Variants in VTI1A observed in about 807,000 individuals in gnomAD.
VTI1A encodes the protein vesicle transport through interaction with t-SNAREs 1A.
Under a neutral mutation model 34.9 loss-of-function variants are expected in VTI1A, and 22 were observed. The ratio of observed to expected loss-of-function variants is 0.63; its 90% CI spans 0.45 to 0.90. The LOEUF (loss-of-function observed/expected upper bound fraction) is 0.90. Ranked by LOEUF, VTI1A falls within the 40% of genes least tolerant of loss-of-function variation. The pLI, the probability that VTI1A is intolerant of heterozygous loss-of-function variation, is 0.00. For synonymous variants in VTI1A, 87 were observed against 97.3 expected (o/e 0.89, Z 0.62); for missense variants, 268 against 275.6 (o/e 0.97, Z 0.20).
At chr10:112,502,106 C>T (rs966634706) in intron 3 of VTI1A, among the ~76,000 whole-genome samples, 1 of 149,876 alleles carries the variant, frequency 6.7e-6, no homozygotes, top group African/African-American at 2.5e-5. Context: ...CGGCTCACTG[C>T]AGCCTCGACC....
chr10:112,703,514 C>T (rs1849083632), intron 7 of VTI1A, among the ~76,000 whole-genome samples: 1 of 151,764 alleles, frequency 6.6e-6, no homozygotes, highest in South Asian at 2.1e-4. Flanking sequence ...TGCGGTGAGC[C>T]GAGATCATGC....
chr10:112,634,219 G>A (rs1327330795), intron 5 of VTI1A: 1 of 154,530 alleles, frequency 6.5e-6, no homozygotes, highest in African/African-American at 2.4e-5. Context: ...GACCACTTCG[G>A]TTCAAGGCTA....
At chr10:112,702,746 T>C (rs1188363340) in intron 7 of VTI1A, among the ~76,000 whole-genome samples, 1 of 152,180 alleles carries the variant, frequency 6.6e-6, no homozygotes, top group African/African-American at 2.4e-5. Flanking sequence ...CCACCACACC[T>C]GGCTAATTTT....
intron 3 of VTI1A, among the ~76,000 whole-genome samples, chr10:112,472,329 C>A (rs1433735555): frequency 6.6e-6 from 1 of 152,168 alleles, no homozygotes; most frequent in Non-Finnish European, 1.5e-5. Flanking sequence ...AATGGCACTT[C>A]TATTGACAGT....
chr10:112,744,838 C>A (rs7090171), intron 7 of VTI1A, among the ~76,000 whole-genome samples: 22,899 of 152,114 alleles, frequency 0.15, 3,767 homozygotes, highest in African/African-American at 0.4. Context: ...GCAGATCCAG[C>A]ACGTTCAGCA....
chr10:112,826,587 G>C, the VTI1A span: 49 of 152,338 alleles, frequency 3.2e-4, no homozygotes, highest in African/African-American at 1.2e-3. Context: ...CCATCCATTT[G>C]AGTTTCAGGT....
At chr10:112,669,210 G>C (rs964290756) in intron 7 of VTI1A, among the ~76,000 whole-genome samples, 4 of 152,122 alleles carry the variant, frequency 2.6e-5, no homozygotes, top group Non-Finnish European at 5.9e-5. Flanking sequence ...CTTGAGCTAG[G>C]GGGGTAACCT....
At chr10:112,853,907 C>T in the VTI1A span, among the ~76,000 whole-genome samples, 2 of 152,196 alleles carry the variant, frequency 1.3e-5, no homozygotes, top group African/African-American at 4.8e-5. Flanking sequence ...GTAGGAAGAG[C>T]CTTGGCTTTG....
intron 7 of VTI1A, among the ~76,000 whole-genome samples, chr10:112,692,550 A>G (rs1236449150): frequency 6.6e-6 from 1 of 152,210 alleles, no homozygotes; most frequent in Non-Finnish European, 1.5e-5. Flanking sequence ...TGATTTGAGT[A>G]GTACCATCAC....
At chr10:112,542,853 G>C (rs1850919990) in intron 5 of VTI1A, among the ~76,000 whole-genome samples, 1 of 152,118 alleles carries the variant, frequency 6.6e-6, no homozygotes, top group Admixed American at 6.5e-5. Context: ...ACAGGCCCCG[G>C]TGTGTGATGT....
intron 5 of VTI1A, among the ~76,000 whole-genome samples, chr10:112,554,116 G>T (rs1851463239): frequency 6.6e-6 from 1 of 152,114 alleles, no homozygotes; most frequent in Non-Finnish European, 1.5e-5. Context: ...TTTTCTACTA[G>T]ACATTTATCT....
intron 7 of VTI1A, among the ~76,000 whole-genome samples, chr10:112,725,739 GT>G (rs1849997595): frequency 6.6e-6 from 1 of 152,204 alleles, no homozygotes; most frequent in Non-Finnish European, 1.5e-5. Flanking sequence ...TTATTAAATA[GT>G]TTTCAGATTA....
intron 4 of VTI1A, chr10:112,533,434 A>G (rs1850514058): frequency 1.3e-6 from 1 of 795,224 alleles, no homozygotes; most frequent in South Asian, 5.8e-5. Flanking sequence ...AAACAGATAA[A>G]TTGTCAATGT....
At chr10:112,470,281 T>G (rs1398285836) in intron 3 of VTI1A, among the ~76,000 whole-genome samples, 3 of 152,054 alleles carry the variant, frequency 2.0e-5, no homozygotes, top group African/African-American at 7.3e-5. Context: ...CTCTCAAGGG[T>G]TGAGTCGAAG....
At chr10:112,586,291 C>T (rs1173707100) in intron 5 of VTI1A, among the ~76,000 whole-genome samples, 4 of 152,036 alleles carry the variant, frequency 2.6e-5, no homozygotes, top group South Asian at 2.1e-4. Flanking sequence ...TTGTATTATC[C>T]GTGTAAACTC....
At chr10:112,823,803 G>A in the VTI1A span, 3 of 147,608 alleles carry the variant, frequency 2.0e-5, no homozygotes, top group Non-Finnish European at 4.5e-5. Context: ...AGTGTGGATC[G>A]GCATTCCTTG....
intron 7 of VTI1A, among the ~76,000 whole-genome samples, chr10:112,776,677 ATTTT>A (rs1161945456): frequency 1.5e-5 from 2 of 131,282 alleles, no homozygotes; most frequent in Admixed American, 8.0e-5. Context: ...GGCTGACTTA[ATTTT>A]TTTTTTTTTT....
At chr10:112,446,990 C>T, upstream of VTI1A, 2 of 247,820 alleles carry the variant, frequency 8.1e-6, no homozygotes, top group Non-Finnish European at 1.6e-5. Context: ...CCTCCGGAAG[C>T]AAGCTGCTGT....
At chr10:112,824,875 A>G in the VTI1A span, 1 of 152,270 alleles carries the variant, frequency 6.6e-6, no homozygotes, top group South Asian at 2.1e-4. Flanking sequence ...ATGGCAGTGC[A>G]AAGGGAACCT....
Sources: gnomAD v4.1 joint callset for allele counts (sites outside exome capture counted in the v4.1 genomes callset) on GRCh38, gnomAD v4.1.1 for gene constraint, MANE v1.5 for transcripts, NCBI Gene and HGNC (gene_info 2026-07-23, HGNC 2026-07-21) for gene names.